Variants in RNLS observed in about 807,000 individuals in gnomAD.
RNLS encodes the protein renalase, FAD dependent amine oxidase, also known as renalase.
In RNLS, 39 loss-of-function variants were observed where a neutral mutation model predicts 39.8. That is an observed-to-expected ratio of 0.98 (90% CI 0.76 to 1.28). The LOEUF (loss-of-function observed/expected upper bound fraction) is 1.28, where lower values mean the gene tolerates loss of function less well. Among genes scored for constraint, RNLS ranks in the 50% most tolerant of loss-of-function variants. The pLI, the probability that RNLS is intolerant of heterozygous loss-of-function variation, is 0.00. For missense variants in RNLS, 410 were observed against 413.3 expected (o/e 0.99, Z 0.07); for synonymous variants, 147 against 150.7 (o/e 0.98, Z 0.18).
At chr10:88,476,588 T>C (rs1194977806) in intron 4 of RNLS, among the ~76,000 whole-genome samples, 3 of 152,154 alleles carry the variant, frequency 2.0e-5, no homozygotes, top group African/African-American at 7.2e-5. Flanking sequence ...ATCTTATTCA[T>C]CAAAGGCACT....
rs1481523412 is a variant in RNLS at position 88,349,424 on chromosome 10, C to A, written c.700+13128G>T. Among the ~76,000 whole-genome samples, 56 of 152,074 alleles carry A rather than the reference C, an allele frequency of 3.7e-4. 1 individual carries two copies. Among genetic ancestry groups the A allele is most frequent in the Admixed American group, 3.6e-3 (55 of 15,254 alleles). On this transcript the variant is annotated intron_variant, in intron 5 of 6. Transcript: ENST00000331772. ...ACTTTGTGTGCAAATGTTCTCCTTA[C>A]AAAATGGGCTGGGTTATTTCATTCT...
At chr10:88,373,625 C>A (rs1850740079) in intron 4 of RNLS, among the ~76,000 whole-genome samples, 1 of 152,068 alleles carries the variant, frequency 6.6e-6, no homozygotes, top group African/African-American at 2.4e-5. Context: ...ATCTTCATAT[C>A]AGCCTACCAT....
chr10:88,201,118 T>G, the RNLS span, among the ~76,000 whole-genome samples: 4 of 152,156 alleles, frequency 2.6e-5, no homozygotes, highest in African/African-American at 9.7e-5. Flanking sequence ...GCAGAGGCCA[T>G]AGACCAGTCA....
intron 6 of RNLS, among the ~76,000 whole-genome samples, chr10:88,309,905 A>T (rs1845228755): frequency 6.6e-6 from 1 of 152,168 alleles, no homozygotes; most frequent in Admixed American, 6.5e-5. Flanking sequence ...ACCAGTAAAG[A>T]TTGGAGTTAT....
At chr10:88,475,495 C>T (rs560283882) in intron 4 of RNLS, among the ~76,000 whole-genome samples, 1 of 152,056 alleles carries the variant, frequency 6.6e-6, no homozygotes, top group East Asian at 1.9e-4. Context: ...TCTTTTTAAC[C>T]CTCAGTTGTC....
chr10:88,236,254 T>C, the RNLS span, among the ~76,000 whole-genome samples: 169 of 152,346 alleles, frequency 1.1e-3, 5 homozygotes, highest in East Asian at 0.026. Flanking sequence ...TAAAAACTGT[T>C]GGCACACTTC....
the RNLS span, among the ~76,000 whole-genome samples, chr10:88,256,696 C>T: frequency 1.3e-5 from 2 of 152,118 alleles, no homozygotes; most frequent in Admixed American, 6.5e-5. Context: ...AGGCTGCTTG[C>T]TTTTTAAAAA....
chr10:88,569,851 T>A (rs1281592788), intron 4 of RNLS, among the ~76,000 whole-genome samples: 1 of 151,558 alleles, frequency 6.6e-6, no homozygotes, highest in Non-Finnish European at 1.5e-5. Context: ...AAATAAAAAA[T>A]AAAAAATAAA....
chr10:88,321,419 CAAAG>C (rs1336439921), intron 5 of RNLS, among the ~76,000 whole-genome samples: 1 of 151,810 alleles, frequency 6.6e-6, no homozygotes, highest in East Asian at 1.9e-4. Context: ...AAACCAAACC[CAAAG>C]ATAGAAGAAC....
chr10:88,467,389 T>C (rs1210821659), intron 4 of RNLS, among the ~76,000 whole-genome samples: 10 of 152,044 alleles, frequency 6.6e-5, no homozygotes, highest in Non-Finnish European at 1.5e-4. Flanking sequence ...TCCTGCCTGC[T>C]CTTAGGGGAG....
rs543265855 is a variant in RNLS, at chr10:88,563,620, G to A, written c.526+9283C>T. Among the ~76,000 whole-genome samples the A allele has an allele frequency of 1.3e-3, 200 of 152,258 alleles. 4 individuals are homozygous for A. The highest frequency in any genetic ancestry group is 6.0e-4 in the Non-Finnish European group (41 of 67,998). ...AGCCAGAGAATGTAGCCAGAGGTTG[G>A]AAAGAACAGAGTGACAGGAGGATGT... On this transcript the variant is annotated intron_variant, in intron 4 of 6. Coordinates refer to ENST00000331772, the MANE Select transcript of RNLS (RefSeq NM_001031709.3).
At position 88,284,638 on chromosome 10, in the gene RNLS, G is replaced by A. The variant is rs1314255165; in HGVS notation, c.*716C>T. 11 of 984,966 alleles carry A rather than the reference G, an allele frequency of 1.1e-5. No homozygotes were observed. The highest frequency in any genetic ancestry group is 4.7e-5 in the South Asian group (1 of 21,288). The allele number at this position is 984,966 out of a possible 1,614,324, so 61.0% of individuals were successfully genotyped here. ...TAAAATATAGCAAAAGGTAAGGATC[G>A]ATATACTTTCTCTCTGTTTCTATTT... On this transcript the variant is annotated 3_prime_UTR_variant, in exon 7 of 7. Coordinates refer to ENST00000331772, the MANE Select transcript of RNLS (RefSeq NM_001031709.3).
chr10:88,574,413 A>T (rs933233843), intron 3 of RNLS, among the ~76,000 whole-genome samples: 3 of 152,210 alleles, frequency 2.0e-5, no homozygotes, highest in African/African-American at 7.2e-5. Flanking sequence ...TTCTGTAGCC[A>T]CTCCAGCTCA....
chr10:88,327,413 G>C (rs1339838882), intron 5 of RNLS, among the ~76,000 whole-genome samples: 2 of 152,122 alleles, frequency 1.3e-5, no homozygotes, highest in Non-Finnish European at 2.9e-5. Context: ...CATGAGATCT[G>C]ATGGTTTTAT....
intron 4 of RNLS, among the ~76,000 whole-genome samples, chr10:88,461,021 T>G (rs931252779): frequency 6.6e-6 from 1 of 152,054 alleles, no homozygotes; most frequent in Non-Finnish European, 1.5e-5. Context: ...GGTGGAGATA[T>G]TTAACAATGG....
At chr10:88,373,475 C>A (rs759829245) in intron 4 of RNLS, among the ~76,000 whole-genome samples, 4 of 152,098 alleles carry the variant, frequency 2.6e-5, no homozygotes, top group Non-Finnish European at 5.9e-5. Flanking sequence ...GAGGCAACAG[C>A]CTTCATCTTG....
At chr10:88,561,106 C>T (rs1248062679) in intron 4 of RNLS, among the ~76,000 whole-genome samples, 1 of 151,990 alleles carries the variant, frequency 6.6e-6, no homozygotes, top group African/African-American at 2.4e-5. Context: ...ATAAATACAG[C>T]GAGTCTTCAA....
chr10:88,233,049 G>A, the RNLS span, among the ~76,000 whole-genome samples: 5 of 152,168 alleles, frequency 3.3e-5, no homozygotes, highest in African/African-American at 9.7e-5. Context: ...CTGATGTTTC[G>A]CAGGAGGAAG....
downstream of RNLS, among the ~76,000 whole-genome samples, chr10:88,282,348 G>C (rs1843043267): frequency 2.0e-5 from 3 of 152,080 alleles, no homozygotes; most frequent in Admixed American, 1.3e-4. Context: ...TTGGGCTCTT[G>C]TCCTGGAATA....
Sources: allele counts gnomAD v4.1 joint callset (sites outside exome capture counted in the v4.1 genomes callset), GRCh38; gene constraint gnomAD v4.1.1; transcripts MANE v1.5; gene names NCBI Gene and HGNC (gene_info 2026-07-23, HGNC 2026-07-21).